MARCHF1: variants seen among roughly 807,000 people sequenced by gnomAD.
MARCHF1 encodes membrane associated ring-CH-type finger 1.
Under a neutral mutation model 54.2 loss-of-function variants are expected in MARCHF1, and 40 were observed. The ratio of observed to expected loss-of-function variants is 0.74; its 90% CI spans 0.57 to 0.96. The LOEUF (loss-of-function observed/expected upper bound fraction) is 0.96. Among genes scored for constraint, MARCHF1 ranks in the 40% least tolerant of loss-of-function variants. The pLI is 0.00. For missense variants in MARCHF1, 586 were observed against 656.5 expected, an observed-to-expected ratio of 0.89 and a Z score of 1.17; for synonymous variants, 236 against 236.3, an observed-to-expected ratio of 1.00 and a Z score of 0.01.
intron 1 of MARCHF1, among the ~76,000 whole-genome samples, chr4:164,142,834 C>G (rs530464805): frequency 2.0e-5 from 3 of 152,236 alleles, no homozygotes; most frequent in East Asian, 1.9e-4. Context: ...ATGACTTTGA[C>G]GAGCTGAGAG....
At position 163,657,104 on chromosome 4, in the gene MARCHF1, G is replaced by A. The variant is rs943004809; in HGVS notation, c.162+43709C>T. Among the ~76,000 whole-genome samples the A allele has an allele frequency of 7.9e-5, 12 of 151,954 alleles. 1 individual carries two copies. Among genetic ancestry groups the A allele is most frequent in the Admixed American group, 7.9e-4 (12 of 15,214 alleles). On this transcript the variant is annotated intron_variant, in intron 5 of 9. Coordinates refer to ENST00000514618, the MANE Select transcript of MARCHF1 (RefSeq NM_001394959.1). ...TAAATAAATGGTATTCAAATAGGAA[G>A]AGAGGAGCTCAAGTTGTCTTTGTTT...
chr4:163,831,289 A>G (rs1579321783), intron 4 of MARCHF1, among the ~76,000 whole-genome samples: 1 of 152,188 alleles, frequency 6.6e-6, no homozygotes, highest in East Asian at 1.9e-4. Context: ...AACCAAGTCT[A>G]AAGTCCAAGA....
chr4:163,725,101 C>T (rs1442091983), intron 4 of MARCHF1, among the ~76,000 whole-genome samples: 2 of 152,168 alleles, frequency 1.3e-5, no homozygotes, highest in African/African-American at 4.8e-5. Flanking sequence ...GTCGCTCACG[C>T]TGGGAGCTGT....
At chr4:164,375,548 T>C (rs1361248289) in intron 1 of MARCHF1, among the ~76,000 whole-genome samples, 1 of 152,192 alleles carries the variant, frequency 6.6e-6, no homozygotes, top group African/African-American at 2.4e-5. Context: ...ATTCAAATGT[T>C]CATAACTCTT....
intron 4 of MARCHF1, among the ~76,000 whole-genome samples, chr4:163,725,915 T>C (rs2111308376): frequency 6.6e-6 from 1 of 152,338 alleles, no homozygotes; most frequent in Non-Finnish European, 1.5e-5. Flanking sequence ...CATCTTATGA[T>C]TTCCAATCAT....
At chr4:164,190,055 T>C (rs1731084029) in intron 1 of MARCHF1, 2 of 1,374,748 alleles carry the variant, frequency 1.5e-6, no homozygotes, top group African/African-American at 2.8e-5. Context: ...GCATTGATAC[T>C]ACAAATGAGC....
chr4:164,024,649 C>T (rs1288962779), intron 2 of MARCHF1, among the ~76,000 whole-genome samples: 1 of 152,002 alleles, frequency 6.6e-6, no homozygotes, highest in Non-Finnish European at 1.5e-5. Context: ...TAAGTATATA[C>T]CCCACAGACA....
At chr4:164,008,281 A>G (rs572254021) in intron 2 of MARCHF1, among the ~76,000 whole-genome samples, 4 of 152,272 alleles carry the variant, frequency 2.6e-5, no homozygotes, top group East Asian at 3.9e-4. Context: ...ACAACAGAAT[A>G]TAACAGTCAT....
intron 1 of MARCHF1, among the ~76,000 whole-genome samples, chr4:164,304,868 G>T (rs567426590): frequency 6.6e-6 from 1 of 152,184 alleles, no homozygotes; most frequent in East Asian, 1.9e-4. Flanking sequence ...GTCTTATTTT[G>T]CTTGTGGGAA....
intron 3 of MARCHF1, among the ~76,000 whole-genome samples, chr4:163,894,430 T>C (rs943209305): frequency 6.6e-6 from 1 of 151,668 alleles, no homozygotes; most frequent in Admixed American, 6.6e-5. Context: ...AAATGTACAA[T>C]GAGTGAATGA....
intron 1 of MARCHF1, among the ~76,000 whole-genome samples, chr4:164,211,354 T>TAC (rs1491189783): frequency 2.6e-5 from 3 of 115,176 alleles, no homozygotes; most frequent in Non-Finnish European, 5.7e-5. Flanking sequence ...TATATATATA[T>TAC]ACCACATTGC....
At chr4:163,926,273 G>C (rs532591909) in intron 3 of MARCHF1, among the ~76,000 whole-genome samples, 1 of 151,712 alleles carries the variant, frequency 6.6e-6, no homozygotes, top group African/African-American at 2.4e-5. Flanking sequence ...TTAGTGACTG[G>C]CTGCTTTCAC....
At chr4:164,021,247 G>T (rs35516254) in intron 2 of MARCHF1, among the ~76,000 whole-genome samples, 8 of 151,820 alleles carry the variant, frequency 5.3e-5, no homozygotes, top group Non-Finnish European at 1.2e-4. Context: ...CTAGCCAGTG[G>T]CTACTTTCCT....
chr4:164,002,768 C>G (rs1753211084), intron 2 of MARCHF1, among the ~76,000 whole-genome samples: 1 of 151,754 alleles, frequency 6.6e-6, no homozygotes, highest in East Asian at 1.9e-4. Context: ...ATGCCAAATT[C>G]AAATTTCTGA....
At chr4:164,357,818 G>A (rs1730604854) in intron 1 of MARCHF1, among the ~76,000 whole-genome samples, 1 of 152,084 alleles carries the variant, frequency 6.6e-6, no homozygotes, top group Admixed American at 6.6e-5. Flanking sequence ...AAAACCTTTA[G>A]CTAGGTATTC....
intron 1 of MARCHF1, among the ~76,000 whole-genome samples, chr4:164,352,334 G>A (rs1466241787): frequency 8.7e-6 from 1 of 114,548 alleles, no homozygotes; most frequent in Non-Finnish European, 1.9e-5. Context: ...TTGAAATGAA[G>A]GAAAAAATGT....
intron 1 of MARCHF1, among the ~76,000 whole-genome samples, chr4:164,315,412 CAA>C (rs1456562408): frequency 1.3e-5 from 2 of 152,054 alleles, no homozygotes; most frequent in Non-Finnish European, 2.9e-5. Context: ...ATGTTTGTAT[CAA>C]AGTTTTCTAA....
chr4:164,342,460 C>A (rs1198933516), intron 1 of MARCHF1, among the ~76,000 whole-genome samples: 1 of 151,758 alleles, frequency 6.6e-6, no homozygotes. Flanking sequence ...ACCAACATGG[C>A]ACATGTATAC....
intron 2 of MARCHF1, among the ~76,000 whole-genome samples, chr4:164,081,243 ATTATTTGC>A (rs1755095609): frequency 6.9e-6 from 1 of 145,248 alleles, no homozygotes; most frequent in Non-Finnish European, 1.5e-5. Flanking sequence ...AAAAAGAAAT[ATTATTTGC>A]ATATTAAATT....
Sources: allele counts gnomAD v4.1 joint callset (sites outside exome capture counted in the v4.1 genomes callset), GRCh38; gene constraint gnomAD v4.1.1; transcripts MANE v1.5; gene names NCBI Gene and HGNC (gene_info 2026-07-23, HGNC 2026-07-21).